The following NCOA2 variants were observed in gnomAD, a reference collection of about 807,000 sequenced individuals.
NCOA2 encodes class E basic helix-loop-helix protein 75.
In NCOA2, 21 loss-of-function variants were observed where a neutral mutation model predicts 145.1. That is an observed-to-expected ratio of 0.14 (90% CI 0.10 to 0.21). The LOEUF (loss-of-function observed/expected upper bound fraction) is 0.21. NCOA2 is among the 10% of genes least tolerant of loss of function. NCOA2 has a pLI of 1.00. For synonymous variants in NCOA2, 619 were observed against 637.5 expected, an observed-to-expected ratio of 0.97 and a Z score of 0.44; for missense variants, 1,472 against 1,837.6, an observed-to-expected ratio of 0.80 and a Z score of 3.64.
intron 2 of NCOA2, among the ~76,000 whole-genome samples, chr8:70,232,497 G>A (rs990482869): frequency 6.6e-6 from 1 of 152,026 alleles, no homozygotes; most frequent in African/African-American, 2.4e-5. Flanking sequence ...GTAAATACCC[G>A]TTCAATTTGA....
rs112097013 is a variant in NCOA2 at position 70,132,835 on chromosome 8, G to A, written c.3159-833C>T. The stretch of plus-strand genomic sequence containing the variant: ...CCCACTTCGGTCTCCCTAAGTGCTG[G>A]GATAACAGGCGTGAGCTACCACACC... On this transcript the variant is annotated intron_variant, in intron 15 of 22. Coordinates refer to ENST00000452400, the MANE Select transcript of NCOA2 (RefSeq NM_006540.4). 3.1e-3 allele frequency among the ~76,000 whole-genome samples: 466 copies of A among 152,200 alleles called. 5 individuals carry two copies. The highest frequency in any genetic ancestry group is 0.011 in the African/African-American group (453 of 41,510).
In NCOA2 at chr8:70,121,015, G is replaced by C. The variant is rs139801083; in HGVS notation, c.4383+287C>G. Among the ~76,000 whole-genome samples, 354 of 151,914 alleles carry C rather than the reference G, an allele frequency of 2.3e-3. 3 individuals are homozygous for C. The highest frequency in any genetic ancestry group is 7.9e-3 in the African/African-American group (329 of 41,398). On this transcript the variant is annotated intron_variant, in intron 22 of 22. Transcript: ENST00000452400. ...CCTTTGCTATCATAGTATCATTCCAGGGCAAAATTACTGTTCTTTTGTTGG... is the reference window on the plus strand; with the variant it reads ...CCTTTGCTATCATAGTATCATTCCACGGCAAAATTACTGTTCTTTTGTTGG...
rs563198972 is a variant in NCOA2, at chr8:70,141,349, C to T, written c.2863G>A (p.Ala955Thr). 1 of 1,613,920 alleles carries T rather than the reference C, an allele frequency of 6.2e-7. No individual in the cohort carries two copies. The highest frequency in any genetic ancestry group is 1.3e-5 in the African/African-American group (1 of 75,028). ...SRPTMPSGEWAPQSSAVRVTC... is the reference protein window; with the variant it reads ...SRPTMPSGEWTPQSSAVRVTC... The stretch of plus-strand genomic sequence containing the variant: ...ACTCTCACAGCCGAACTCTGCGGTG[C>T]CCATTCTCCAGATGGCATAGTAGGC... Residue 955 changes from alanine to threonine, a missense_variant, in exon 14 of 23, where the codon GCA becomes ACA. Coordinates refer to ENST00000452400, the MANE Select transcript of NCOA2 (RefSeq NM_006540.4).
chr8:70,435,036 A>G, the NCOA2 span, among the ~76,000 whole-genome samples: 1 of 152,056 alleles, frequency 6.6e-6, no homozygotes, highest in South Asian at 2.1e-4. Context: ...GTACTATGTG[A>G]CTGTTTATGT....
At chr8:70,168,371 T>A (rs1813866334) in intron 6 of NCOA2, among the ~76,000 whole-genome samples, 1 of 152,206 alleles carries the variant, frequency 6.6e-6, no homozygotes, top group Non-Finnish European at 1.5e-5. Flanking sequence ...AAGGCTGGAG[T>A]GCAGTGGCGT....
At chr8:70,192,717 A>T (rs1227327338) in intron 4 of NCOA2, among the ~76,000 whole-genome samples, 1 of 152,172 alleles carries the variant, frequency 6.6e-6, no homozygotes, top group African/African-American at 2.4e-5. Context: ...CTTGTAATAA[A>T]CATTGGGTCA....
At chr8:70,272,461 C>T (rs1475916366) in intron 2 of NCOA2, among the ~76,000 whole-genome samples, 1 of 152,202 alleles carries the variant, frequency 6.6e-6, no homozygotes, top group Non-Finnish European at 1.5e-5. Flanking sequence ...GTTATACTAT[C>T]ATGTGCTTCC....
intron 1 of NCOA2, among the ~76,000 whole-genome samples, chr8:70,297,899 G>A (rs548204557): frequency 1.6e-4 from 25 of 152,208 alleles, no homozygotes; most frequent in African/African-American, 3.4e-4. Context: ...ATGTGCTTAC[G>A]GCATTTTATG....
rs1490292083 is a variant in NCOA2, at chr8:70,139,430, C to A, written c.3029-1098G>T. On this transcript the variant is annotated intron_variant, in intron 14 of 22. Coordinates refer to ENST00000452400, the MANE Select transcript of NCOA2 (RefSeq NM_006540.4). ...TTTAAATTTCTCATTTAATTTTGCA[C>A]AGAAATCAGTTTTTAGCATTTTTCG... Among the ~76,000 whole-genome samples the A allele has an allele frequency of 2.0e-5, 3 of 152,138 alleles. No individual in the cohort carries two copies. In the East Asian group the frequency reaches 5.8e-4, roughly 29 times the overall value.
At chr8:70,338,729 C>T (rs1338344786) in intron 1 of NCOA2, among the ~76,000 whole-genome samples, 1 of 152,142 alleles carries the variant, frequency 6.6e-6, no homozygotes, top group Non-Finnish European at 1.5e-5. Context: ...CATCAAAAAG[C>T]TTATCCACCA....
chr8:70,427,449 A>G, the NCOA2 span, among the ~76,000 whole-genome samples: 3 of 152,210 alleles, frequency 2.0e-5, no homozygotes, highest in Non-Finnish European at 4.4e-5. Flanking sequence ...TTCATTTACT[A>G]ATCTTACATC....
intron 2 of NCOA2, among the ~76,000 whole-genome samples, chr8:70,279,446 C>A (rs562386058): frequency 2.0e-5 from 3 of 152,212 alleles, no homozygotes; most frequent in South Asian, 4.2e-4. Flanking sequence ...CTGAATAATT[C>A]CTGAGTAAGA....
At chr8:70,318,963 A>G (rs1303433498) in intron 1 of NCOA2, among the ~76,000 whole-genome samples, 1 of 152,180 alleles carries the variant, frequency 6.6e-6, no homozygotes, top group East Asian at 1.9e-4. Flanking sequence ...CACAGTCTCT[A>G]TACCATTGAC....
In NCOA2 at chr8:70,113,337, A is replaced by G; in HGVS notation, c.*295T>C. ...TACATTCAATCTGACATGGGTATGA[A>G]ATTTGCCTGTCAACATTTACTTTTG... is the stretch of plus-strand genomic sequence containing the variant. On this transcript the variant is annotated 3_prime_UTR_variant, in exon 23 of 23. Transcript: ENST00000452400. 1 of 503,242 alleles carries G rather than the reference A, an allele frequency of 2.0e-6. No individual in the cohort carries two copies. The highest frequency in any genetic ancestry group is 3.4e-5 in the South Asian group (1 of 29,408). The allele number at this position is 503,242 out of a possible 1,614,324, so 31.2% of individuals were successfully genotyped here.
intron 1 of NCOA2, among the ~76,000 whole-genome samples, chr8:70,315,121 A>ATT (rs1805486868): frequency 6.6e-6 from 1 of 152,240 alleles, no homozygotes; most frequent in South Asian, 2.1e-4. Flanking sequence ...GACACTGATT[A>ATT]TAAAGGGATG....
intron 4 of NCOA2, among the ~76,000 whole-genome samples, chr8:70,202,192 G>A (rs1817965887): frequency 6.6e-6 from 1 of 152,188 alleles, no homozygotes; most frequent in Admixed American, 6.5e-5. Context: ...GAGAGTAAGT[G>A]TTGGTGAGAG....
At chr8:70,141,108 C>T (rs1336806911) in intron 14 of NCOA2, 76 bp downstream of exon 14, 1 of 1,411,508 alleles carries the variant, frequency 7.1e-7, no homozygotes, top group African/African-American at 1.4e-5. Context: ...AGAAGCATGT[C>T]TTGAAAGAAC....
At chr8:70,455,107 ACTT>A in the NCOA2 span, among the ~76,000 whole-genome samples, 6 of 152,248 alleles carry the variant, frequency 3.9e-5, no homozygotes, top group Non-Finnish European at 7.3e-5. Flanking sequence ...TTACAGATTA[ACTT>A]CTTACTTCTT....
chr8:70,139,562 C>T (rs551316605), intron 14 of NCOA2, among the ~76,000 whole-genome samples: 2 of 151,106 alleles, frequency 1.3e-5, no homozygotes, highest in Admixed American at 1.3e-4. Flanking sequence ...CCAAAATATG[C>T]TGAACAATTA....
Sources: allele counts gnomAD v4.1 joint callset (sites outside exome capture counted in the v4.1 genomes callset), GRCh38; gene constraint gnomAD v4.1.1; transcripts MANE v1.5; gene names NCBI Gene and HGNC (gene_info 2026-07-23, HGNC 2026-07-21).